Variants in AK4 observed in about 807,000 individuals in gnomAD.
AK4 encodes the protein adenylate kinase 4, mitochondrial.
AK4 carries 13 observed loss-of-function variants against 24.6 expected under a neutral mutation model. That is an observed-to-expected ratio of 0.53 (90% CI 0.34 to 0.84). The LOEUF (loss-of-function observed/expected upper bound fraction) is 0.84, where lower values mean the gene tolerates loss of function less well. Ranked by LOEUF, AK4 falls within the 40% of genes least tolerant of loss-of-function variation. AK4 has a pLI of 0.01. For missense variants in AK4, 192 were observed against 288.2 expected (o/e 0.67, Z 2.42); for synonymous variants, 88 against 107.0 (o/e 0.82, Z 1.10).
At chr1:65,150,285 CTT>C (rs71703627) in intron 1 of AK4, among the ~76,000 whole-genome samples, 2 of 140,890 alleles carry the variant, frequency 1.4e-5, no homozygotes, top group African/African-American at 2.5e-5. Flanking sequence ...CTCTCTCTCT[CTT>C]TTTTTTTTTT....
intron 2 of AK4, among the ~76,000 whole-genome samples, chr1:65,207,840 C>T (rs1316424618): frequency 1.3e-5 from 2 of 152,140 alleles, no homozygotes; most frequent in Admixed American, 6.5e-5. Flanking sequence ...TAATGGCCTC[C>T]AGCTGCATCC....
intron 3 of AK4, among the ~76,000 whole-genome samples, chr1:65,223,109 T>G (rs1652345632): frequency 6.6e-6 from 1 of 152,024 alleles, no homozygotes; most frequent in Admixed American, 6.5e-5. Flanking sequence ...TTAAATATTC[T>G]AATTCATGCC....
intron 1 of AK4, chr1:65,149,160 TC>T (rs1025810748): frequency 2.7e-5 from 4 of 149,536 alleles, no homozygotes; most frequent in East Asian, 2.0e-4. Context: ...CCCCAGCAAC[TC>T]CCCCCCCTCC....
intron 1 of AK4, chr1:65,154,478 A>AG (rs1398467894): frequency 1.9e-6 from 1 of 521,678 alleles, no homozygotes; most frequent in Non-Finnish European, 3.8e-6. Flanking sequence ...CCTGACAGCA[A>AG]GATGGGTCAC....
intron 1 of AK4, among the ~76,000 whole-genome samples, chr1:65,162,548 G>A (rs967575355): frequency 4.0e-5 from 6 of 151,804 alleles, no homozygotes; most frequent in South Asian, 4.2e-4. Flanking sequence ...TTCTTTAAAA[G>A]TGTACAACTC....
intron 1 of AK4, among the ~76,000 whole-genome samples, chr1:65,159,766 G>A (rs1378626910): frequency 1.3e-5 from 2 of 152,008 alleles, no homozygotes; most frequent in Non-Finnish European, 2.9e-5. Flanking sequence ...TCAGGAATTC[G>A]AGACCAGCCT....
chr1:65,152,321 T>C (rs1419525201), intron 1 of AK4, among the ~76,000 whole-genome samples: 1 of 22,000 alleles, frequency 4.5e-5, no homozygotes, highest in Non-Finnish European at 8.3e-5. Context: ...TTGCTATCTC[T>C]CTCTCTCTCT....
chr1:65,173,967 G>A (rs1570088956), intron 1 of AK4, among the ~76,000 whole-genome samples: 1 of 151,924 alleles, frequency 6.6e-6, no homozygotes, highest in Non-Finnish European at 1.5e-5. Context: ...GTTAGACACC[G>A]GTGTCCTAAA....
intron 1 of AK4, among the ~76,000 whole-genome samples, chr1:65,165,365 T>G (rs887723500): frequency 2.6e-5 from 4 of 152,134 alleles, no homozygotes; most frequent in African/African-American, 9.7e-5. Context: ...GTATCATGTC[T>G]ATGAGTAGAC....
intron 1 of AK4, among the ~76,000 whole-genome samples, chr1:65,157,209 G>A (rs1450656243): frequency 6.6e-6 from 1 of 152,166 alleles, no homozygotes; most frequent in Non-Finnish European, 1.5e-5. Flanking sequence ...TAATTAAAGG[G>A]GAACTCATGG....
At chr1:65,200,091 C>G (rs1651615886) in intron 2 of AK4, among the ~76,000 whole-genome samples, 1 of 112,912 alleles carries the variant, frequency 8.9e-6, no homozygotes, top group Non-Finnish European at 1.8e-5. Flanking sequence ...TCACATAAGA[C>G]TAGGTAACAG....
intron 1 of AK4, among the ~76,000 whole-genome samples, chr1:65,189,874 G>A (rs1370907488): frequency 6.6e-6 from 1 of 152,152 alleles, no homozygotes; most frequent in African/African-American, 2.4e-5. Context: ...ACAACACTCA[G>A]CTGCTTTTAC....
In AK4 at chr1:65,148,333, A is replaced by T; in HGVS notation, c.-75A>T. On this transcript the variant is annotated 5_prime_UTR_variant, in exon 1 of 5. Coordinates refer to ENST00000327299, the MANE Select transcript of AK4 (RefSeq NM_013410.4). The stretch of plus-strand genomic sequence containing the variant: ...GGGTGCCAGAGGTAGGGGGCCGAGA[A>T]ACAAAGTTCCCGGGGCTTCCTCCGG... The T allele has an allele frequency of 2.7e-6, 4 of 1,477,344 alleles. No homozygotes were observed. Among genetic ancestry groups the T allele is most frequent in the Non-Finnish European group, 3.6e-6 (4 of 1,113,816 alleles). The allele number at this position is 1,477,344 out of a possible 1,614,324, so 91.5% of individuals were successfully genotyped here.
intron 2 of AK4, among the ~76,000 whole-genome samples, chr1:65,211,332 G>T (rs1054762093): frequency 2.2e-4 from 34 of 152,226 alleles, no homozygotes; most frequent in African/African-American, 8.2e-4. Flanking sequence ...TGGTCTGTGC[G>T]TGTAGCACTG....
intron 1 of AK4, among the ~76,000 whole-genome samples, chr1:65,171,123 T>C (rs889062792): frequency 1.3e-4 from 13 of 97,722 alleles, no homozygotes; most frequent in African/African-American, 7.0e-4. Flanking sequence ...GCTTGGCTAA[T>C]TTTTTTTTTT....
intron 1 of AK4, among the ~76,000 whole-genome samples, chr1:65,171,576 A>T (rs1650526610): frequency 6.6e-6 from 1 of 151,922 alleles, no homozygotes; most frequent in South Asian, 2.1e-4. Flanking sequence ...AAGTGATGGG[A>T]TTACAGGTGT....
intron 1 of AK4, 94 bp downstream of exon 1, chr1:65,148,646 C>A: frequency 6.4e-6 from 9 of 1,416,560 alleles, no homozygotes; most frequent in Non-Finnish European, 8.3e-6. Context: ...CGGCGCCCTT[C>A]CCCCGCCCGC....
intron 2 of AK4, among the ~76,000 whole-genome samples, chr1:65,210,016 C>G (rs1252450499): frequency 6.6e-6 from 1 of 152,116 alleles, no homozygotes; most frequent in African/African-American, 2.4e-5. Flanking sequence ...CTTTGTTGCC[C>G]AGGCTGGTCT....
chr1:65,222,920 T>C (rs1001144250), intron 3 of AK4, among the ~76,000 whole-genome samples: 1 of 152,084 alleles, frequency 6.6e-6, no homozygotes, highest in African/African-American at 2.4e-5. Flanking sequence ...GAGGCAAAAT[T>C]CAAAACGTGT....
Sources: gnomAD v4.1 joint callset for allele counts (sites outside exome capture counted in the v4.1 genomes callset) on GRCh38, gnomAD v4.1.1 for gene constraint, MANE v1.5 for transcripts, NCBI Gene and HGNC (gene_info 2026-07-23, HGNC 2026-07-21) for gene names.